Variants in FLACC1 observed in about 807,000 individuals in gnomAD.
The protein encoded by FLACC1 is flagellum-associated coiled-coil domain-containing protein 1.
Under a neutral mutation model 62.8 loss-of-function variants are expected in FLACC1, and 66 were observed. The observed-to-expected ratio is 1.05, with a 90% CI of 0.86 to 1.29. The LOEUF is 1.29. Ranked by LOEUF, FLACC1 falls within the 50% of genes most tolerant of loss-of-function variation. The probability of loss-of-function intolerance (pLI) is 0.00; values close to 1 mark genes in which losing one functional copy is unlikely to be tolerated. For synonymous variants in FLACC1, 156 were observed against 161.0 expected, an observed-to-expected ratio of 0.97 and a Z score of 0.24; for missense variants, 452 against 489.1, an observed-to-expected ratio of 0.92 and a Z score of 0.71.
intron 12 of FLACC1, among the ~76,000 whole-genome samples, chr2:201,293,737 G>A (rs1392672413): frequency 6.6e-6 from 1 of 151,940 alleles, no homozygotes; most frequent in Admixed American, 6.6e-5. Context: ...CCAGGAGCTG[G>A]TTTTTTGAAA....
At chr2:201,288,802 T>C in intron 14 of FLACC1, 21 bp from the exon 15 acceptor site, 1 of 1,610,672 alleles carries the variant, frequency 6.2e-7, no homozygotes, top group Non-Finnish European at 8.5e-7. Context: ...AAAGGAAAGA[T>C]GTATCAATGT....
At chr2:201,319,250 A>C (rs991990056) in intron 9 of FLACC1, among the ~76,000 whole-genome samples, 9 of 152,184 alleles carry the variant, frequency 5.9e-5, no homozygotes, top group African/African-American at 2.2e-4. Flanking sequence ...GACAAAAACA[A>C]GTGGTGGGGA....
chr2:201,330,597 T>C, intron 8 of FLACC1, 75 bp from the exon 9 acceptor site: 1 of 1,549,880 alleles, frequency 6.5e-7, no homozygotes, highest in Non-Finnish European at 8.9e-7. Context: ...TGTGAGTTCT[T>C]CTGCACACCT....
rs567197857 is a variant in FLACC1, at chr2:201,340,072, C to T, written c.524+2298G>A. 5.9e-4 allele frequency among the ~76,000 whole-genome samples: 90 copies of T among 152,242 alleles called. 2 individuals are homozygous for T. The highest frequency in any genetic ancestry group is 5.6e-3 in the Admixed American group (85 of 15,298). On this transcript the variant is annotated intron_variant, in intron 7 of 14. Transcript: ENST00000392257. ...AGATAGGTGCCAGCAATGGTGGTAG[C>T]GGCAGGTTGAGTGGGCTTAATCTCA...
upstream of FLACC1, among the ~76,000 whole-genome samples, chr2:201,359,103 G>A (rs890425893): frequency 6.6e-6 from 1 of 152,208 alleles, no homozygotes; most frequent in African/African-American, 2.4e-5. Flanking sequence ...GCAGCAGTGG[G>A]GATGGAGAGA....
At chr2:201,329,358 A>G (rs565372200) in intron 9 of FLACC1, among the ~76,000 whole-genome samples, 1 of 152,372 alleles carries the variant, frequency 6.6e-6, no homozygotes, top group Non-Finnish European at 1.5e-5. Context: ...AATGTAAATT[A>G]GTTCATTGCC....
chr2:201,326,822 G>T lies in FLACC1; in HGVS notation c.675+3648C>A, dbSNP rs1950508171. On this transcript the variant is annotated intron_variant, in intron 9 of 14. Coordinates refer to ENST00000392257, the MANE Select transcript of FLACC1 (RefSeq NM_001127391.3). This position sits in a 1 kb window ranked among gnomAD's most constrained non-coding sequence, Gnocchi z 4.1. ...TATTTTTCACAGAATTAGAAAAAAA[G>T]TTCTAAAATTCATATGGAACCAAAA... Among the ~76,000 whole-genome samples the T allele has an allele frequency of 6.6e-6, 1 of 151,956 alleles. No homozygotes were observed. Among genetic ancestry groups the T allele is most frequent in the Non-Finnish European group, 1.5e-5 (1 of 67,944 alleles).
chr2:201,337,688 T>C (rs1057331950), intron 7 of FLACC1, among the ~76,000 whole-genome samples: 1 of 152,120 alleles, frequency 6.6e-6, no homozygotes, highest in African/African-American at 2.4e-5. Context: ...AATACCTGGC[T>C]AATTTTTAAT....
chr2:201,331,729 G>T (rs189351656), intron 7 of FLACC1, among the ~76,000 whole-genome samples: 52 of 152,316 alleles, frequency 3.4e-4, no homozygotes, highest in Non-Finnish European at 7.1e-4. Flanking sequence ...TAGGCAGAGC[G>T]AAGCAGATTT....
chr2:201,316,436 G>A (rs184615491), intron 9 of FLACC1, among the ~76,000 whole-genome samples: 90 of 152,160 alleles, frequency 5.9e-4, no homozygotes, highest in Non-Finnish European at 9.6e-4. Context: ...ACACCTTTAC[G>A]TGCATAAACT....
intron 12 of FLACC1, among the ~76,000 whole-genome samples, chr2:201,295,121 C>G (rs1049758592): frequency 6.6e-6 from 1 of 152,210 alleles, no homozygotes; most frequent in African/African-American, 2.4e-5. Flanking sequence ...CCATCCCCAT[C>G]AAGCTACCAA....
intron 9 of FLACC1, among the ~76,000 whole-genome samples, chr2:201,315,459 G>C (rs1048292272): frequency 7.9e-5 from 12 of 152,014 alleles, no homozygotes; most frequent in African/African-American, 2.9e-4. Context: ...AAGACAAAGA[G>C]GGACATTATA....
intron 9 of FLACC1, among the ~76,000 whole-genome samples, chr2:201,311,536 G>C (rs1357189205): frequency 6.6e-6 from 1 of 151,768 alleles, no homozygotes; most frequent in Non-Finnish European, 1.5e-5. Flanking sequence ...CATGATATGA[G>C]ACCCCACATC....
At chr2:201,302,357 G>T (rs1020752675) in intron 11 of FLACC1, among the ~76,000 whole-genome samples, 3 of 152,098 alleles carry the variant, frequency 2.0e-5, no homozygotes, top group Non-Finnish European at 2.9e-5. Context: ...ATGGTAAAGG[G>T]ATCAATTCAA....
chr2:201,310,367 C>A (rs896216895), intron 9 of FLACC1, among the ~76,000 whole-genome samples: 1 of 152,076 alleles, frequency 6.6e-6, no homozygotes, highest in Admixed American at 6.6e-5. Flanking sequence ...TTTGATAGAG[C>A]GACCAAGTGT....
At chr2:201,332,253 C>G (rs998344856) in intron 7 of FLACC1, among the ~76,000 whole-genome samples, 11 of 145,684 alleles carry the variant, frequency 7.6e-5, no homozygotes, top group Admixed American at 2.8e-4. Flanking sequence ...AAAGTTTTTT[C>G]TTTTTTTTTT....
chr2:201,315,416 A>G (rs1950291235), intron 9 of FLACC1, among the ~76,000 whole-genome samples: 1 of 152,228 alleles, frequency 6.6e-6, no homozygotes, highest in Admixed American at 6.5e-5. Flanking sequence ...CTTACATCAG[A>G]CAAGACAAAC....
chr2:201,343,400 T>A (rs562511355), intron 6 of FLACC1, among the ~76,000 whole-genome samples: 2 of 152,184 alleles, frequency 1.3e-5, no homozygotes, highest in Non-Finnish European at 2.9e-5. Flanking sequence ...GGCAGTGTTT[T>A]CAGATAAATA....
intron 10 of FLACC1, among the ~76,000 whole-genome samples, chr2:201,308,027 C>T (rs1202520158): frequency 1.3e-5 from 2 of 152,194 alleles, no homozygotes; most frequent in Non-Finnish European, 2.9e-5. Context: ...TAGAGGTAGG[C>T]TTCAGCTCTT....
Sources: allele counts gnomAD v4.1 joint callset (sites outside exome capture counted in the v4.1 genomes callset), GRCh38; gene constraint gnomAD v4.1.1; non-coding constraint Gnocchi (gnomAD v3.1); transcripts MANE v1.5; gene names NCBI Gene and HGNC (gene_info 2026-07-23, HGNC 2026-07-21).